MYO3B: variants seen among roughly 807,000 people sequenced by gnomAD.
MYO3B encodes the protein myosin IIIB.
MYO3B carries 156 observed loss-of-function variants against 174.6 expected under a neutral mutation model. The observed-to-expected ratio is 0.89, with a 90% CI of 0.78 to 1.02. The LOEUF is 1.02. Ranked by LOEUF, MYO3B falls within the 50% of genes least tolerant of loss-of-function variation. The pLI is 0.00. For missense variants in MYO3B, 1,632 were observed against 1,639.4 expected (o/e 1.00, Z 0.08); for synonymous variants, 563 against 569.1 (o/e 0.99, Z 0.15).
At chr2:170,268,269 G>A (rs2093399319) in intron 7 of MYO3B, among the ~76,000 whole-genome samples, 1 of 152,122 alleles carries the variant, frequency 6.6e-6, no homozygotes, top group Admixed American at 6.5e-5. Context: ...CTCCACTAAA[G>A]TAGGATCCTG....
intron 7 of MYO3B, among the ~76,000 whole-genome samples, chr2:170,296,436 CTT>C (rs2093629302): frequency 6.6e-6 from 1 of 152,194 alleles, no homozygotes; most frequent in African/African-American, 2.4e-5. Context: ...TTCAAACAGA[CTT>C]ATCAACAGGA....
In MYO3B at chr2:170,260,794, TG is replaced by T. The variant is rs761064092; in HGVS notation, c.749+24662del. On this transcript the variant is annotated intron_variant, in intron 7 of 34. Transcript: ENST00000408978. Reference sequence around the variant, plus strand: ...ATAAAAACCAAATTGGAATGGGACCTGGGGTGCTGGCAATAGCCTATTTCTT... The same window carrying T: ...ATAAAAACCAAATTGGAATGGGACCTGGGTGCTGGCAATAGCCTATTTCTT... Among the ~76,000 whole-genome samples, 5 of 152,310 alleles carry T rather than the reference TG, an allele frequency of 3.3e-5. No individual in the cohort carries two copies. In the East Asian group the frequency reaches 5.8e-4, roughly 18 times the overall value.
intron 8 of MYO3B, chr2:170,349,382 G>A (rs990187725): frequency 6.6e-6 from 1 of 152,166 alleles, no homozygotes; most frequent in Non-Finnish European, 1.5e-5. Context: ...AGCAGAGAAT[G>A]TATCTTTACT....
rs762653726 is a variant in MYO3B at position 170,498,661 on chromosome 2, G to A, written c.3084G>A (p.Leu1028=). ...GCAAAGAGAGCTGTGTGGCTATCTT[G>A]GAAAAGTCCAGATTAGATCACTGGG... is the stretch of plus-strand genomic sequence containing the variant. ...LASKESCVAI[L]EKSRLDHWVL... is the part of the protein sequence containing the mutation. Residue 1028 remains leucine (L), a synonymous_variant, in exon 26 of 35, where the codon TTG becomes TTA. Transcript: ENST00000408978. 2.5e-6 allele frequency: 4 copies of A among 1,613,840 alleles called. No homozygotes were observed. The African/African-American group carries it at 5.3e-5, about 22-fold the overall frequency.
At chr2:170,344,004 G>A (rs1409276314) in intron 8 of MYO3B, among the ~76,000 whole-genome samples, 1 of 152,192 alleles carries the variant, frequency 6.6e-6, no homozygotes, top group Non-Finnish European at 1.5e-5. Context: ...TGTACTGCTG[G>A]TGTGGCAGGG....
intron 22 of MYO3B, among the ~76,000 whole-genome samples, chr2:170,436,774 A>G (rs146203865): frequency 1.3e-5 from 2 of 152,168 alleles, no homozygotes; most frequent in East Asian, 3.9e-4. Context: ...GGCCATTCAG[A>G]CTCTTCAAAG....
chr2:170,424,909 C>A (rs2094648768), intron 22 of MYO3B, among the ~76,000 whole-genome samples: 1 of 152,216 alleles, frequency 6.6e-6, no homozygotes, highest in Non-Finnish European at 1.5e-5. Context: ...TCTCTGCCAG[C>A]ATCCTTCTCA....
intron 32 of MYO3B, among the ~76,000 whole-genome samples, chr2:170,554,441 C>G (rs551761013): frequency 1.3e-5 from 2 of 152,300 alleles, no homozygotes; most frequent in East Asian, 3.9e-4. Context: ...GGAGCTGAGG[C>G]TAGAGGAGTC....
intron 9 of MYO3B, among the ~76,000 whole-genome samples, chr2:170,371,723 A>G (rs1001913059): frequency 2.6e-5 from 4 of 150,946 alleles, no homozygotes; most frequent in Admixed American, 1.3e-4. Flanking sequence ...TGAGGTGAGT[A>G]TATAGATGAT....
chr2:170,364,605 C>T (rs876751), intron 8 of MYO3B, among the ~76,000 whole-genome samples: 3 of 151,938 alleles, frequency 2.0e-5, no homozygotes, highest in African/African-American at 4.8e-5. Context: ...GAAATGAATA[C>T]GTTTCTTAGA....
chr2:170,464,208 G>A (rs754867089), intron 24 of MYO3B, among the ~76,000 whole-genome samples: 6 of 152,014 alleles, frequency 3.9e-5, no homozygotes, highest in Non-Finnish European at 8.8e-5. Context: ...CAAAAATTAG[G>A]TGTGGTGGCA....
At chr2:170,491,821 G>A (rs1018924455) in intron 25 of MYO3B, among the ~76,000 whole-genome samples, 4 of 152,138 alleles carry the variant, frequency 2.6e-5, no homozygotes, top group Admixed American at 6.5e-5. Flanking sequence ...TTGGAAGGCC[G>A]GGGTGGCAGA....
Position 170,419,315 on chromosome 2 carries a change from T to C in MYO3B, c.2650+11471T>C, listed in dbSNP as rs11891652. ...AACACAGACTGAGCGGTTTAAACAA[T>C]AGGCATTTGCTTCTCACAGTTCTGG... On this transcript the variant is annotated intron_variant, in intron 22 of 34. Transcript: ENST00000408978. 7.4e-3 allele frequency among the ~76,000 whole-genome samples: 1,123 copies of C among 152,286 alleles called. 10 individuals are homozygous for C. The highest frequency in any genetic ancestry group is 0.025 in the African/African-American group (1,019 of 41,546).
At chr2:170,424,544 G>T (rs1269391892) in intron 22 of MYO3B, among the ~76,000 whole-genome samples, 1 of 152,124 alleles carries the variant, frequency 6.6e-6, no homozygotes, top group African/African-American at 2.4e-5. Flanking sequence ...TTGAACCAGG[G>T]AGGTGGAGGT....
intron 32 of MYO3B, among the ~76,000 whole-genome samples, chr2:170,565,971 T>C (rs1377925376): frequency 6.6e-6 from 1 of 152,212 alleles, no homozygotes; most frequent in Non-Finnish European, 1.5e-5. Context: ...TCTCCTCCTA[T>C]GCTCAAATGC....
intron 3 of MYO3B, among the ~76,000 whole-genome samples, chr2:170,201,230 T>C (rs1447115830): frequency 6.6e-6 from 1 of 152,122 alleles, no homozygotes; most frequent in Non-Finnish European, 1.5e-5. Flanking sequence ...ACAAGGAAAA[T>C]AATGACAGTA....
intron 8 of MYO3B, among the ~76,000 whole-genome samples, chr2:170,358,152 CAA>C (rs60194651): frequency 7.4e-6 from 1 of 134,542 alleles, no homozygotes; most frequent in Admixed American, 7.5e-5. Context: ...AACTCCTTCT[CAA>C]AAAAAAAAAC....
intron 14 of MYO3B, among the ~76,000 whole-genome samples, chr2:170,388,135 A>G (rs2094389210): frequency 1.3e-5 from 2 of 152,062 alleles, no homozygotes; most frequent in South Asian, 4.2e-4. Context: ...CCGCACTTCC[A>G]TATTAATGCA....
intron 6 of MYO3B, among the ~76,000 whole-genome samples, chr2:170,220,034 A>G (rs559732981): frequency 2.7e-4 from 41 of 151,860 alleles, no homozygotes; most frequent in Non-Finnish European, 4.4e-4. Context: ...CAAGGTGGGC[A>G]GATCACGAGG....
Sources: allele counts gnomAD v4.1 joint callset (sites outside exome capture counted in the v4.1 genomes callset), GRCh38; gene constraint gnomAD v4.1.1; transcripts MANE v1.5; gene names NCBI Gene and HGNC (gene_info 2026-07-23, HGNC 2026-07-21).